LBX2: variants seen among roughly 807,000 people sequenced by gnomAD.
LBX2 encodes the protein transcription factor LBX2.
In LBX2, 6 loss-of-function variants were observed where a neutral mutation model predicts 7.5. The ratio of observed to expected loss-of-function variants is 0.80; its 90% CI spans 0.44 to 1.59. LBX2 has a LOEUF of 1.59. LBX2 is among the 40% of genes most tolerant of loss of function. LBX2 has a pLI of 0.01. For synonymous variants in LBX2, 143 were observed against 133.2 expected, an observed-to-expected ratio of 1.07 and a Z score of -0.51; for missense variants, 281 against 282.0, an observed-to-expected ratio of 1.00 and a Z score of 0.03.
At chr2:74,501,075 G>A (rs1441474331), upstream of LBX2, among the ~76,000 whole-genome samples, 2 of 152,196 alleles carry the variant, frequency 1.3e-5, no homozygotes, top group Non-Finnish European at 2.9e-5. Context: ...AAGATGGGAA[G>A]GCACCTTGAT....
intron 1 of LBX2, chr2:74,498,954 TC>T (rs1674424770): frequency 7.4e-6 from 2 of 269,460 alleles, no homozygotes; most frequent in South Asian, 1.3e-4. Context: ...CCGGAAAGAC[TC>T]GACTCTCCAG....
chr2:74,501,833 A>G (rs1022359776), upstream of LBX2: 1 of 151,956 alleles, frequency 6.6e-6, no homozygotes, highest in Admixed American at 6.6e-5. Flanking sequence ...GAGGAAGATT[A>G]AGAGATTAAA....
rs13414573 is a variant in LBX2, at chr2:74,499,099, C to A, written c.205+234G>T. The stretch of plus-strand genomic sequence containing the variant: ...ACAGAGCAACAGGTCGCTCAGTTGG[C>A]GACGGTCTGCCCTTTTCCCTTGGCA... On this transcript the variant is annotated intron_variant, in intron 1 of 1. Transcript: ENST00000377566. The surrounding 1 kb of genome is among the most constrained non-coding windows in gnomAD (Gnocchi z 4.6). The A allele has an allele frequency of 8.2e-3, 4,840 of 588,274 alleles. 192 individuals are homozygous for A. The highest frequency in any genetic ancestry group is 0.08 in the African/African-American group (4,325 of 53,756). 36.4% of individuals were successfully genotyped at this position (588,274 alleles called of 1,614,324 possible).
chr2:74,502,731 C>A, upstream of LBX2: 2 of 1,614,198 alleles, frequency 1.2e-6, no homozygotes, highest in Non-Finnish European at 1.7e-6. This position sits in a 1 kb window ranked among gnomAD's most constrained non-coding sequence, Gnocchi z 5.4. Flanking sequence ...GATCTCTGCG[C>A]GCCCACCGCC....
upstream of LBX2, chr2:74,502,781 G>A: frequency 2.5e-6 from 4 of 1,614,014 alleles, 1 homozygote; most frequent in South Asian, 4.4e-5. This position sits in a 1 kb window ranked among gnomAD's most constrained non-coding sequence, Gnocchi z 5.4. Flanking sequence ...GCCAGCGGTG[G>A]GAAACTCCGA....
chr2:74,500,465 GGT>G (rs1479706670), upstream of LBX2, among the ~76,000 whole-genome samples: 1 of 152,194 alleles, frequency 6.6e-6, no homozygotes, highest in Non-Finnish European at 1.5e-5. Context: ...AGGGGAGCAA[GGT>G]GCCCTGACCA....
In LBX2 at chr2:74,499,425, C is replaced by T; in HGVS notation, c.113G>A (p.Gly38Asp). ...APSAPQLPES[G>D]PGPTSPLCAL... The stretch of plus-strand genomic sequence containing the variant: ...GCACAGCGGCGACGTTGGACCCGGA[C>T]CCGACTCTGGAAGCTGCGGCGCAGA... The change falls in exon 1 of 2, where the codon GGT (glycine) becomes GAT (aspartate). Residue 38 changes from glycine (G) to aspartate (D), a missense_variant. Around this residue, in one of 3 missense-constraint regions of LBX2, gnomAD observed 216 missense variants for 208.7 expected, o/e 1.03. Transcript: ENST00000377566. The surrounding 1 kb of genome is among the most constrained non-coding windows in gnomAD (Gnocchi z 4.6). The T allele has an allele frequency of 6.4e-7, 1 of 1,550,636 alleles. No homozygotes were observed. The highest frequency in any genetic ancestry group is 8.7e-7 in the Non-Finnish European group (1 of 1,147,006).
upstream of LBX2, chr2:74,503,026 C>T: frequency 1.7e-6 from 1 of 601,758 alleles, no homozygotes; most frequent in Non-Finnish European, 2.8e-6. The surrounding 1 kb of genome is among the most constrained non-coding windows in gnomAD (Gnocchi z 5.1). Context: ...GAACCGACGC[C>T]TTGTCCCGGA....
chr2:74,498,009 GGA>G lies in LBX2; in HGVS notation c.513_514del (p.Pro172ArgfsTer12), dbSNP rs1674393988. ...AGGGCCGAGGCAGAGGCCGGGATCT[GGA>G]GCGCCTTCGGGCAGTGCTAAGCTGC... is the stretch of plus-strand genomic sequence containing the variant. On this transcript the variant is annotated frameshift_variant, in exon 2 of 2. Coordinates refer to ENST00000377566, the MANE Select transcript of LBX2 (RefSeq NM_001282430.2). LOFTEE classifies it low-confidence loss of function (END_TRUNC). 6.2e-7 allele frequency: 1 copy of G among 1,610,898 alleles called. No homozygotes were observed. Among genetic ancestry groups the G allele is most frequent in the African/African-American group, 1.3e-5 (1 of 74,898 alleles).
upstream of LBX2, chr2:74,502,301 C>T: frequency 3.8e-6 from 1 of 262,508 alleles, no homozygotes; most frequent in Non-Finnish European, 7.2e-6. The surrounding 1 kb of genome is among the most constrained non-coding windows in gnomAD (Gnocchi z 5.4). Context: ...CGGGCCGCCC[C>T]CGCTCGACCC....
At position 74,499,487 on chromosome 2, in the gene LBX2, T is replaced by A. The variant is rs529167735; in HGVS notation, c.51A>T (p.Ala17=). 3,677 of 1,550,412 alleles carry A rather than the reference T, an allele frequency of 2.4e-3. 166 individuals are homozygous for A. The Admixed American group carries it at 0.066, about 28-fold the overall frequency. The change falls in exon 1 of 2, where the codon GCA becomes GCT. Residue 17 remains alanine (A), a synonymous_variant. Coordinates refer to ENST00000377566, the MANE Select transcript of LBX2 (RefSeq NM_001282430.2). The surrounding 1 kb of genome is among the most constrained non-coding windows in gnomAD (Gnocchi z 4.6). ...PRTPRTLLSI[A]DILAPRMVPR... ...GGACCATGCGCGGGGCTAGGATGTCTGCGATGCTTAAGAGTGTCCGGGGTG... is the reference window on the plus strand; with the variant it reads ...GGACCATGCGCGGGGCTAGGATGTCAGCGATGCTTAAGAGTGTCCGGGGTG...
chr2:74,498,048 G>A lies in LBX2; in HGVS notation c.476C>T (p.Pro159Leu), dbSNP rs200697964. 229 of 1,613,492 alleles carry A rather than the reference G, an allele frequency of 1.4e-4. No individual in the cohort carries two copies. The highest frequency in any genetic ancestry group is 1.8e-4 in the Non-Finnish European group (213 of 1,179,844). The change falls in exon 2 of 2, where the codon CCG becomes CTG. Residue 159 changes from proline (P) to leucine (L), a missense_variant. By Grantham distance (98) the Pro-to-Leu change is moderately conservative. Transcript: ENST00000377566. ...CAGTGCTAAGCTGCACAGGACTTCC[G>A]GGGACAACGCGCGTAGCGAGGCGAC... ...ADVASLRALS[P>L]EVLCSLALPE...
At chr2:74,498,544 G>A (rs2104301674) in intron 1 of LBX2, 2 of 564,642 alleles carry the variant, frequency 3.5e-6, no homozygotes, top group Non-Finnish European at 6.2e-6. Context: ...AGCAGGCTGA[G>A]GGCATATTGT....
chr2:74,499,620 G>A, upstream of LBX2: 1 of 1,425,422 alleles, frequency 7.0e-7, no homozygotes, highest in Non-Finnish European at 9.4e-7. The surrounding 1 kb of genome is among the most constrained non-coding windows in gnomAD (Gnocchi z 4.6). Context: ...CTCCCAATCC[G>A]GGCCCCCAGC....
At position 74,498,041 on chromosome 2, in the gene LBX2, G is replaced by A; in HGVS notation, c.483C>T (p.Val161=). ...VASLRALSPE[V]LCSLALPEGA... is the part of the protein sequence containing the mutation. ...CTTCGGGCAGTGCTAAGCTGCACAGGACTTCCGGGGACAACGCGCGTAGCG... is the reference window on the plus strand; with the variant it reads ...CTTCGGGCAGTGCTAAGCTGCACAGAACTTCCGGGGACAACGCGCGTAGCG... The change falls in exon 2 of 2, where the codon GTC becomes GTT. Residue 161 remains valine (V), a synonymous_variant. Coordinates refer to ENST00000377566, the MANE Select transcript of LBX2 (RefSeq NM_001282430.2). 2 of 1,613,682 alleles carry A rather than the reference G, an allele frequency of 1.2e-6. No individual in the cohort carries two copies. The highest frequency in any genetic ancestry group is 1.7e-6 in the Non-Finnish European group (2 of 1,179,862).
In LBX2 at chr2:74,498,189, G is replaced by A; in HGVS notation, c.335C>T (p.Pro112Leu). 1 of 1,612,104 alleles carries A rather than the reference G, an allele frequency of 6.2e-7. No homozygotes were observed. Among genetic ancestry groups the A allele is most frequent in the South Asian group, 1.1e-5 (1 of 91,024 alleles). The part of the protein sequence containing the change: ...RRFVFQKYLA[P>L]SERDGLATRL... ...CGTAGCTAGCCCGTCTCGCTCGGAC[G>A]GCGCCAGGTACTTCTGGAAGACGAA... The change falls in exon 2 of 2, where the codon CCG becomes CTG. Residue 112 changes from proline (P) to leucine (L), a missense_variant. This residue lies in a region of LBX2 where 216 missense variants were observed against 208.7 expected (regional missense o/e 1.03). Coordinates refer to ENST00000377566, the MANE Select transcript of LBX2 (RefSeq NM_001282430.2).
At chr2:74,499,672 C>T (rs1674444427), upstream of LBX2, 2 of 882,818 alleles carry the variant, frequency 2.3e-6, no homozygotes, top group Non-Finnish European at 3.4e-6. This position sits in a 1 kb window ranked among gnomAD's most constrained non-coding sequence, Gnocchi z 4.6. Flanking sequence ...CCCGTGTGCC[C>T]CTCCTCCTGC....
Position 74,498,272 on chromosome 2 carries a change from T to C in LBX2, c.252A>G (p.Lys84=). 6.3e-7 allele frequency: 1 copy of C among 1,586,184 alleles called. No individual in the cohort carries two copies. Among genetic ancestry groups the C allele is most frequent in the South Asian group, 1.1e-5 (1 of 88,886 alleles). Residue 84 remains lysine, a synonymous_variant, in exon 2 of 2, where the codon AAA becomes AAG. Coordinates refer to ENST00000377566, the MANE Select transcript of LBX2 (RefSeq NM_001282430.2). ...DALGPGPFGR[K]RRKSRTAFTA... is the part of the protein sequence containing the mutation. ...TGAACGCAGTGCGTGACTTGCGCCG[T>C]TTGCGGCCGAAGGGACCAGGGCCCA...
upstream of LBX2, among the ~76,000 whole-genome samples, chr2:74,501,118 AC>A (rs1056193795): frequency 2.7e-5 from 4 of 149,822 alleles, no homozygotes; most frequent in African/African-American, 9.9e-5. Flanking sequence ...CACTCCAACA[AC>A]CCCCCTCCCC....
Sources: allele counts gnomAD v4.1 joint callset (sites outside exome capture counted in the v4.1 genomes callset), GRCh38; gene constraint gnomAD v4.1.1; regional missense constraint gnomAD v4.1.1; non-coding constraint Gnocchi (gnomAD v3.1); transcripts MANE v1.5; gene names NCBI Gene and HGNC (gene_info 2026-07-23, HGNC 2026-07-21).